ZNF609: variants seen among roughly 807,000 people sequenced by gnomAD.
ZNF609 encodes zinc finger protein 609.
Under a neutral mutation model 109.5 loss-of-function variants are expected in ZNF609, and 11 were observed. The observed-to-expected ratio is 0.10, with a 90% CI of 0.06 to 0.17. The LOEUF is 0.17. Ranked by LOEUF, ZNF609 falls within the 10% of genes least tolerant of loss-of-function variation. The pLI, the probability that ZNF609 is intolerant of heterozygous loss-of-function variation, is 1.00. For synonymous variants in ZNF609, 646 were observed against 662.0 expected (o/e 0.98, Z 0.37); for missense variants, 1,559 against 1,772.4 (o/e 0.88, Z 2.16).
At chr15:64,620,439 T>G (rs1371556613) in intron 2 of ZNF609, among the ~76,000 whole-genome samples, 1 of 152,206 alleles carries the variant, frequency 6.6e-6, no homozygotes, top group Admixed American at 6.5e-5. Context: ...TTCTGTGTTG[T>G]TTTTTACCTT....
intron 2 of ZNF609, among the ~76,000 whole-genome samples, chr15:64,585,565 G>T (rs1368773033): frequency 6.6e-6 from 1 of 152,060 alleles, no homozygotes; most frequent in Non-Finnish European, 1.5e-5. Flanking sequence ...TTTGGAAAAG[G>T]TCCCTATGTA....
intron 2 of ZNF609, among the ~76,000 whole-genome samples, chr15:64,532,162 A>G (rs1386570676): frequency 6.6e-6 from 1 of 152,158 alleles, no homozygotes; most frequent in Admixed American, 6.5e-5. Context: ...ATCACAGAGA[A>G]GTACGTAGCA....
chr15:64,614,172 T>C (rs7167670), intron 2 of ZNF609, among the ~76,000 whole-genome samples: 7,127 of 152,024 alleles, frequency 0.047, 552 homozygotes, highest in African/African-American at 0.16. Flanking sequence ...CTGCCCACCT[T>C]GGACTCCCAA....
chr15:64,644,064 G>A (rs887504305), intron 3 of ZNF609, among the ~76,000 whole-genome samples: 8 of 151,592 alleles, frequency 5.3e-5, no homozygotes, highest in East Asian at 3.9e-4. Context: ...TGATCTTGCC[G>A]GTATACTCTA....
chr15:64,597,483 C>G (rs1340581002), intron 2 of ZNF609, among the ~76,000 whole-genome samples: 2 of 152,104 alleles, frequency 1.3e-5, no homozygotes, highest in African/African-American at 4.8e-5. Context: ...AACCATAATC[C>G]CTTTCTGACA....
At chr15:64,645,794 T>TA (rs1460611251) in intron 3 of ZNF609, among the ~76,000 whole-genome samples, 2 of 152,292 alleles carry the variant, frequency 1.3e-5, no homozygotes, top group Non-Finnish European at 1.5e-5. Context: ...TCAGAATCAT[T>TA]AATTATAAGA....
At chr15:64,614,286 A>C (rs1394659362) in intron 2 of ZNF609, among the ~76,000 whole-genome samples, 1 of 150,288 alleles carries the variant, frequency 6.7e-6, no homozygotes, top group Non-Finnish European at 1.5e-5. Context: ...GCTGGAGTGC[A>C]GTGGCGCGAT....
At chr15:64,579,553 G>A (rs994540728) in intron 2 of ZNF609, among the ~76,000 whole-genome samples, 16 of 151,260 alleles carry the variant, frequency 1.1e-4, no homozygotes, top group African/African-American at 3.7e-4. Flanking sequence ...TCTACTAAAA[G>A]TACAAAAAAA....
At chr15:64,586,538 T>C (rs1414857321) in intron 2 of ZNF609, among the ~76,000 whole-genome samples, 1 of 152,066 alleles carries the variant, frequency 6.6e-6, no homozygotes, top group South Asian at 2.1e-4. Flanking sequence ...GGGAACCCTA[T>C]TGTGAACTGC....
At chr15:64,479,283 G>GGTTTTTTT (rs1389448753) in intron 1 of ZNF609, among the ~76,000 whole-genome samples, 2 of 64,358 alleles carry the variant, frequency 3.1e-5, no homozygotes. Context: ...GTACCTGTGT[G>GGTTTTTTT]ATTTTTTTTT....
chr15:64,473,665 G>A (rs1048248900), intron 1 of ZNF609, among the ~76,000 whole-genome samples: 3 of 151,658 alleles, frequency 2.0e-5, no homozygotes, highest in African/African-American at 7.3e-5. Flanking sequence ...GAGTGCAGTG[G>A]TGCGATATCG....
chr15:64,533,962 A>G (rs1163168759), intron 2 of ZNF609, among the ~76,000 whole-genome samples: 1 of 151,078 alleles, frequency 6.6e-6, no homozygotes, highest in Non-Finnish European at 1.5e-5. Context: ...TTTCCACACC[A>G]CTGTCAAGAT....
intron 1 of ZNF609, among the ~76,000 whole-genome samples, chr15:64,463,655 G>A (rs1302864319): frequency 6.6e-6 from 1 of 152,154 alleles, no homozygotes; most frequent in Non-Finnish European, 1.5e-5. Flanking sequence ...TTATTTCAGT[G>A]AGTTTCTTTA....
intron 3 of ZNF609, among the ~76,000 whole-genome samples, chr15:64,646,560 G>A (rs1192688689): frequency 1.3e-5 from 2 of 150,286 alleles, no homozygotes; most frequent in Non-Finnish European, 3.0e-5. Context: ...CTTGAACCTG[G>A]GAGGTAGAGG....
intron 2 of ZNF609, among the ~76,000 whole-genome samples, chr15:64,536,327 C>T (rs1036946347): frequency 6.6e-6 from 1 of 152,120 alleles, no homozygotes; most frequent in African/African-American, 2.4e-5. Context: ...CAGCCTATGG[C>T]ATGATTTTAG....
chr15:64,534,892 G>T (rs1894116362), intron 2 of ZNF609, among the ~76,000 whole-genome samples: 1 of 151,886 alleles, frequency 6.6e-6, no homozygotes, highest in South Asian at 2.1e-4. Flanking sequence ...AATTAGACGG[G>T]CATGGTGGCA....
At chr15:64,615,623 A>G (rs1895787304) in intron 2 of ZNF609, among the ~76,000 whole-genome samples, 1 of 151,290 alleles carries the variant, frequency 6.6e-6, no homozygotes, top group Non-Finnish European at 1.5e-5. Flanking sequence ...AGTAGCTGGG[A>G]TTATGGGCAT....
upstream of ZNF609, among the ~76,000 whole-genome samples, chr15:64,460,067 A>G (rs1345973140): frequency 1.3e-5 from 2 of 152,174 alleles, no homozygotes; most frequent in Non-Finnish European, 2.9e-5. Context: ...TGGAGAACAA[A>G]GGATAAAAAA....
chr15:64,613,135 A>G (rs1895743921), intron 2 of ZNF609, among the ~76,000 whole-genome samples: 1 of 152,138 alleles, frequency 6.6e-6, no homozygotes, highest in Admixed American at 6.6e-5. Flanking sequence ...AGCCTGGGAA[A>G]CATGGCAAAA....
Sources: allele counts gnomAD v4.1 joint callset (sites outside exome capture counted in the v4.1 genomes callset), GRCh38; gene constraint gnomAD v4.1.1; transcripts MANE v1.5; gene names NCBI Gene and HGNC (gene_info 2026-07-23, HGNC 2026-07-21).